The following DLGAP2 variants were observed in gnomAD, a reference collection of about 807,000 sequenced individuals.
DLGAP2 encodes the protein DLG associated protein 2.
A neutral mutation model predicts 100.3 loss-of-function variants in DLGAP2; 26 were observed. That is an observed-to-expected ratio of 0.26 (90% CI 0.19 to 0.36). The LOEUF is 0.36. Ranked by LOEUF, DLGAP2 falls within the 10% of genes least tolerant of loss-of-function variation. The pLI, the probability that DLGAP2 is intolerant of heterozygous loss-of-function variation, is 1.00. For missense variants in DLGAP2, 1,858 were observed against 1,453.2 expected, an observed-to-expected ratio of 1.28 and a Z score of -4.53; for synonymous variants, 886 against 630.1, an observed-to-expected ratio of 1.41 and a Z score of -6.08.
intron 1 of DLGAP2, among the ~76,000 whole-genome samples, chr8:860,531 G>A (rs1169775231): frequency 6.6e-6 from 1 of 152,202 alleles, no homozygotes; most frequent in Non-Finnish European, 1.5e-5. Context: ...ACGCCTCCCG[G>A]CAAACCGTCT....
chr8:891,356 C>G lies in DLGAP2; in HGVS notation c.19-16556C>G, dbSNP rs894354755. 1.2e-4 allele frequency: 18 copies of G among 152,532 alleles called. 1 individual carries two copies. Among genetic ancestry groups the G allele is most frequent in the African/African-American group, 4.3e-4 (18 of 41,456 alleles). The allele number at this position is 152,532 out of a possible 1,614,324, so 9.4% of individuals were successfully genotyped here. On this transcript the variant is annotated intron_variant, in intron 1 of 14. Transcript: ENST00000637795. Reference sequence around the variant, plus strand: ...TGGGGGCTGAGAAACAGCAGAGGCCCAAAAGGTCAGGCTGTGGAGAATGTG... The same window carrying G: ...TGGGGGCTGAGAAACAGCAGAGGCCGAAAAGGTCAGGCTGTGGAGAATGTG...
At chr8:1,576,462 CTTTAG>C in intron 6 of DLGAP2, among the ~76,000 whole-genome samples, 1 of 152,250 alleles carries the variant, frequency 6.6e-6, no homozygotes, top group African/African-American at 2.4e-5. Flanking sequence ...TTCAGAAGCT[CTTTAG>C]TTTAATTAGA....
At chr8:768,618 G>A (rs1017204385) in intron 1 of DLGAP2, among the ~76,000 whole-genome samples, 11 of 151,630 alleles carry the variant, frequency 7.3e-5, no homozygotes, top group Non-Finnish European at 1.3e-4. Flanking sequence ...TAGAGATGGG[G>A]TTTCACCATG....
chr8:1,366,153 C>G, intron 3 of DLGAP2, among the ~76,000 whole-genome samples: 1 of 152,214 alleles, frequency 6.6e-6, no homozygotes, highest in East Asian at 1.9e-4. Flanking sequence ...TTCCTATTTT[C>G]TTTTTCTTTC....
intron 3 of DLGAP2, among the ~76,000 whole-genome samples, chr8:1,339,549 G>A (rs372629610): frequency 3.8e-4 from 58 of 152,346 alleles, no homozygotes; most frequent in African/African-American, 1.1e-3. Context: ...TCCGTGTCAC[G>A]TAAGTAGTCT....
At chr8:810,104 C>A (rs1416452527) in intron 1 of DLGAP2, among the ~76,000 whole-genome samples, 1 of 152,190 alleles carries the variant, frequency 6.6e-6, no homozygotes, top group African/African-American at 2.4e-5. Flanking sequence ...AACTACTGTT[C>A]ATGACTTGTA....
chr8:1,011,249 AG>A (rs1303383006), intron 2 of DLGAP2, among the ~76,000 whole-genome samples: 1 of 146,824 alleles, frequency 6.8e-6, no homozygotes, highest in East Asian at 2.1e-4. Context: ...CTACACAGTG[AG>A]CCCTAGAATG....
chr8:1,179,811 C>G (rs1332508287), intron 2 of DLGAP2, among the ~76,000 whole-genome samples: 2 of 152,122 alleles, frequency 1.3e-5, no homozygotes, highest in East Asian at 1.9e-4. Flanking sequence ...CACGGCATAC[C>G]CTTACATTTA....
chr8:1,291,920 T>G lies in DLGAP2; in HGVS notation c.106+33037T>G, dbSNP rs537013928. ...CTAACTTTTGACTATTACAAAATGT[T>G]CACTCTCAAAAGACTCTTAATCACA... On this transcript the variant is annotated intron_variant, in intron 3 of 14. Coordinates refer to ENST00000637795, the MANE Select transcript of DLGAP2 (RefSeq NM_001346810.2). Among the ~76,000 whole-genome samples, 260 of 152,322 alleles carry G rather than the reference T, an allele frequency of 1.7e-3. 2 individuals are homozygous for G. The highest frequency in any genetic ancestry group is 2.8e-3 in the Non-Finnish European group (191 of 68,026).
intron 2 of DLGAP2, among the ~76,000 whole-genome samples, chr8:1,026,501 T>A (rs1801804768): frequency 6.6e-6 from 1 of 152,228 alleles, no homozygotes; most frequent in East Asian, 1.9e-4. Context: ...TCTAAACTGC[T>A]GGCTGGGCTG....
chr8:1,267,046 G>A (rs1297496767), intron 3 of DLGAP2, among the ~76,000 whole-genome samples: 1 of 151,816 alleles, frequency 6.6e-6, no homozygotes, highest in Non-Finnish European at 1.5e-5. Flanking sequence ...GGCTAACATG[G>A]TGAAATCCTG....
At chr8:1,176,997 A>T (rs1797274312) in intron 2 of DLGAP2, among the ~76,000 whole-genome samples, 1 of 152,208 alleles carries the variant, frequency 6.6e-6, no homozygotes. Context: ...AGGCTCTGGA[A>T]ACTGGGAAAA....
intron 2 of DLGAP2, among the ~76,000 whole-genome samples, chr8:1,123,641 GA>G (rs143557226): frequency 6.6e-6 from 1 of 151,826 alleles, no homozygotes; most frequent in Non-Finnish European, 1.5e-5. Context: ...ATTCCTAAGG[GA>G]AAAAAAGAAA....
intron 2 of DLGAP2, among the ~76,000 whole-genome samples, chr8:946,395 C>G (rs536101336): frequency 6.6e-6 from 1 of 151,894 alleles, no homozygotes; most frequent in East Asian, 1.9e-4. Flanking sequence ...TCCCGAGTGT[C>G]TGGGACTACA....
At chr8:1,652,472 C>T (rs1162471636) in intron 8 of DLGAP2, among the ~76,000 whole-genome samples, 1 of 152,288 alleles carries the variant, frequency 6.6e-6, no homozygotes, top group South Asian at 2.1e-4. Flanking sequence ...AAGAAGGATT[C>T]TCTCTCTGTG....
intron 2 of DLGAP2, among the ~76,000 whole-genome samples, chr8:1,026,450 C>T (rs1483690310): frequency 6.6e-6 from 1 of 152,160 alleles, no homozygotes; most frequent in African/African-American, 2.4e-5. Context: ...TTGCACTGGG[C>T]CCCGGCTGCA....
intron 1 of DLGAP2, among the ~76,000 whole-genome samples, chr8:898,848 A>C (rs1334480671): frequency 6.6e-6 from 1 of 152,158 alleles, no homozygotes; most frequent in African/African-American, 2.4e-5. Context: ...AAGGGGGTTA[A>C]TGGAGTGGAT....
intron 2 of DLGAP2, among the ~76,000 whole-genome samples, chr8:1,245,669 A>G (rs1406063423): frequency 6.6e-6 from 1 of 152,260 alleles, no homozygotes; most frequent in African/African-American, 2.4e-5. Context: ...GGATGGCTGC[A>G]CAGCTCTGTG....
At chr8:941,135 G>A (rs1799186656) in intron 2 of DLGAP2, among the ~76,000 whole-genome samples, 1 of 152,140 alleles carries the variant, frequency 6.6e-6, no homozygotes, top group African/African-American at 2.4e-5. Flanking sequence ...CCTCAGGGGG[G>A]TCGTGGGATG....
Sources: gnomAD v4.1 joint callset for allele counts (sites outside exome capture counted in the v4.1 genomes callset) on GRCh38, gnomAD v4.1.1 for gene constraint, MANE v1.5 for transcripts, NCBI Gene and HGNC (gene_info 2026-07-23, HGNC 2026-07-21) for gene names.